Variants in CSMD1 observed in about 807,000 individuals in gnomAD.
CSMD1 encodes CUB and Sushi multiple domains 1, also known as CUB and sushi domain-containing protein 1.
Under a neutral mutation model 417.5 loss-of-function variants are expected in CSMD1, and 213 were observed. The ratio of observed to expected loss-of-function variants is 0.51; its 90% CI spans 0.46 to 0.57. CSMD1 has a LOEUF of 0.57. Ranked by LOEUF, CSMD1 falls within the 20% of genes least tolerant of loss-of-function variation. The pLI is 0.00. For missense variants in CSMD1, 6,923 were observed against 4,529.7 expected (o/e 1.53, Z -15.17); for synonymous variants, 2,862 against 1,736.8 (o/e 1.65, Z -16.11).
At chr8:4,237,510 G>A (rs567823635) in intron 3 of CSMD1, among the ~76,000 whole-genome samples, 1 of 150,826 alleles carries the variant, frequency 6.6e-6, no homozygotes, top group Non-Finnish European at 1.5e-5. Context: ...TCTTGAACAT[G>A]ATGCTATACT....
chr8:4,715,488 TG>T (rs1425927466), intron 1 of CSMD1, among the ~76,000 whole-genome samples: 1 of 152,166 alleles, frequency 6.6e-6, no homozygotes, highest in East Asian at 1.9e-4. Context: ...ACATATAAAT[TG>T]ATAATCCTCA....
intron 1 of CSMD1, among the ~76,000 whole-genome samples, chr8:4,669,367 G>C (rs932003400): frequency 4.6e-5 from 7 of 152,134 alleles, no homozygotes; most frequent in African/African-American, 1.7e-4. Context: ...CGTATTTCTC[G>C]ATGAGATTTT....
At chr8:3,581,883 C>A (rs1359493684) in intron 9 of CSMD1, among the ~76,000 whole-genome samples, 1 of 152,130 alleles carries the variant, frequency 6.6e-6, no homozygotes, top group East Asian at 1.9e-4. Flanking sequence ...CTGCTTACTG[C>A]AACCGCCACC....
chr8:3,948,241 G>A (rs73509609), intron 5 of CSMD1, among the ~76,000 whole-genome samples: 9,834 of 151,974 alleles, frequency 0.065, 639 homozygotes, highest in African/African-American at 0.16. Context: ...AACAAGTGTC[G>A]CAGACATAGT....
At chr8:4,428,994 A>C (rs973992472) in intron 2 of CSMD1, among the ~76,000 whole-genome samples, 1 of 152,082 alleles carries the variant, frequency 6.6e-6, no homozygotes, top group South Asian at 2.1e-4. Context: ...GAATATAGGC[A>C]TAAGGCACTG....
At chr8:3,929,884 AC>A (rs1488363112) in intron 5 of CSMD1, among the ~76,000 whole-genome samples, 7 of 149,862 alleles carry the variant, frequency 4.7e-5, no homozygotes, top group African/African-American at 1.5e-4. Context: ...CTCATCTCCA[AC>A]CCCTGACCTC....
chr8:3,971,921 T>G (rs1013566554), intron 5 of CSMD1, among the ~76,000 whole-genome samples: 3 of 152,200 alleles, frequency 2.0e-5, no homozygotes, highest in African/African-American at 7.2e-5. Context: ...TTTGTCTATT[T>G]TTTTGAGACA....
At chr8:4,510,349 T>C (rs912494133) in intron 2 of CSMD1, among the ~76,000 whole-genome samples, 42 of 131,778 alleles carry the variant, frequency 3.2e-4, no homozygotes, top group African/African-American at 1.2e-3. Flanking sequence ...GCCATACAGG[T>C]ATTCTTATAT....
chr8:3,273,417 G>C (rs1304550460), intron 26 of CSMD1, among the ~76,000 whole-genome samples: 2 of 152,048 alleles, frequency 1.3e-5, no homozygotes, highest in Admixed American at 6.6e-5. Flanking sequence ...TCTCTGCCAG[G>C]CTTTGGTATC....
chr8:4,552,827 C>T (rs944652013), intron 2 of CSMD1, among the ~76,000 whole-genome samples: 2 of 152,162 alleles, frequency 1.3e-5, no homozygotes, highest in African/African-American at 4.8e-5. Flanking sequence ...TAGCCCACTG[C>T]AATTATGCTC....
intron 2 of CSMD1, among the ~76,000 whole-genome samples, chr8:4,446,885 T>A (rs1052329976): frequency 4.0e-5 from 6 of 151,686 alleles, no homozygotes; most frequent in Admixed American, 3.9e-4. Context: ...CCTCCCAATG[T>A]TCTGGGATTA....
At chr8:4,079,906 T>C (rs913918598) in intron 3 of CSMD1, among the ~76,000 whole-genome samples, 1 of 152,146 alleles carries the variant, frequency 6.6e-6, no homozygotes, top group African/African-American at 2.4e-5. Context: ...GCCATATTCT[T>C]GCCTTTCCAC....
chr8:4,728,537 T>G (rs563589673), intron 1 of CSMD1, among the ~76,000 whole-genome samples: 2 of 152,246 alleles, frequency 1.3e-5, no homozygotes, highest in South Asian at 4.1e-4. Flanking sequence ...TCTCCCAATC[T>G]TTAGCTTATT....
intron 5 of CSMD1, among the ~76,000 whole-genome samples, chr8:3,870,931 T>A (rs182543867): frequency 6.6e-6 from 1 of 152,078 alleles, no homozygotes; most frequent in Non-Finnish European, 1.5e-5. Context: ...CATAGCTTTT[T>A]ATGTATTCAT....
chr8:4,362,497 C>T (rs934489072), intron 3 of CSMD1, among the ~76,000 whole-genome samples: 48 of 152,290 alleles, frequency 3.2e-4, no homozygotes, highest in African/African-American at 9.1e-4. Flanking sequence ...AACTCTTCCT[C>T]ATTTGTCTGC....
intron 1 of CSMD1, among the ~76,000 whole-genome samples, chr8:4,837,934 T>C (rs547840557): frequency 9.2e-5 from 14 of 151,946 alleles, no homozygotes; most frequent in East Asian, 1.9e-4. Context: ...AAGACAGATA[T>C]AGACACAATC....
rs972949657 is a variant in CSMD1 at position 3,262,490 on chromosome 8, T to A, written c.4153+21654A>T. Among the ~76,000 whole-genome samples the A allele has an allele frequency of 2.4e-4, 37 of 151,488 alleles. No homozygotes were observed. The Middle Eastern group carries it at 0.01, about 42-fold the overall frequency. On this transcript the variant is annotated intron_variant, in intron 26 of 69. Coordinates refer to ENST00000635120, the MANE Select transcript of CSMD1 (RefSeq NM_033225.6). ...AAAGTGTCCTTTCCAGTTAACATAA[T>A]TACTGTTTATCCAAGAGGCGCTATA...
chr8:3,657,954 T>C (rs1472016768), intron 7 of CSMD1, among the ~76,000 whole-genome samples: 3 of 152,210 alleles, frequency 2.0e-5, no homozygotes, highest in Non-Finnish European at 2.9e-5. Context: ...TACATCATTG[T>C]TGATTAATGG....
At chr8:3,426,420 T>A (rs1813842947) in intron 12 of CSMD1, among the ~76,000 whole-genome samples, 1 of 152,178 alleles carries the variant, frequency 6.6e-6, no homozygotes, top group South Asian at 2.1e-4. Context: ...AACTTTGCTT[T>A]TTTATTAAAA....
Sources: gnomAD v4.1 joint callset for allele counts (sites outside exome capture counted in the v4.1 genomes callset) on GRCh38, gnomAD v4.1.1 for gene constraint, MANE v1.5 for transcripts, NCBI Gene and HGNC (gene_info 2026-07-23, HGNC 2026-07-21) for gene names.